The following VEGFC variants were observed in gnomAD, a reference collection of about 807,000 sequenced individuals.
The protein encoded by VEGFC is FLT4 ligand DHM.
In VEGFC, 12 loss-of-function variants were observed where a neutral mutation model predicts 46.1. The ratio of observed to expected loss-of-function variants is 0.26; its 90% confidence interval spans 0.17 to 0.42. The LOEUF (loss-of-function observed/expected upper bound fraction) is 0.42, where lower values mean the gene tolerates loss of function less well. Among genes scored for constraint, VEGFC ranks in the 10% least tolerant of loss-of-function variants. VEGFC has a pLI of 1.00. For synonymous variants in VEGFC, 232 were observed against 195.5 expected, an observed-to-expected ratio of 1.19 and a Z score of -1.56; for missense variants, 488 against 529.4, an observed-to-expected ratio of 0.92 and a Z score of 0.77.
intron 3 of VEGFC, among the ~76,000 whole-genome samples, chr4:176,716,214 C>T (rs1734695514): frequency 1.3e-5 from 2 of 152,000 alleles, no homozygotes; most frequent in African/African-American, 4.8e-5. Context: ...CTACATGATA[C>T]CAAGCACCTT....
At chr4:176,740,360 T>C (rs1272602472) in intron 1 of VEGFC, among the ~76,000 whole-genome samples, 9 of 121,118 alleles carry the variant, frequency 7.4e-5, no homozygotes, top group South Asian at 2.3e-4. Context: ...TATATAGTTA[T>C]ATATATTCTA....
chr4:176,732,316 T>A (rs1340521361), intron 1 of VEGFC, among the ~76,000 whole-genome samples: 2 of 151,954 alleles, frequency 1.3e-5, no homozygotes, highest in Non-Finnish European at 2.9e-5. Context: ...TCAATCTATA[T>A]CTAAGAGACC....
At chr4:176,721,052 A>C (rs751485009) in intron 3 of VEGFC, among the ~76,000 whole-genome samples, 1 of 152,064 alleles carries the variant, frequency 6.6e-6, no homozygotes, top group Non-Finnish European at 1.5e-5. Context: ...GAGATGTTTC[A>C]AACACAGAGT....
chr4:176,689,101 T>A lies in VEGFC; in HGVS notation c.705-1174A>T, dbSNP rs193259605. Among the ~76,000 whole-genome samples the A allele has an allele frequency of 1.4e-4, 22 of 152,350 alleles. No individual in the cohort carries two copies. In the East Asian group the frequency reaches 3.1e-3, roughly 21 times the overall value. ...CACTACCTCATTTTTTCATCTAATG[T>A]TGGTGTAGACATCAAATAGAAGTAT... On this transcript the variant is annotated intron_variant, in intron 4 of 6. Coordinates refer to ENST00000618562, the MANE Select transcript of VEGFC (RefSeq NM_005429.5).
chr4:176,706,865 A>G lies in VEGFC; in HGVS notation c.704+4634T>C, dbSNP rs141098649. ...TAAAGAATGTTTCTAACACCTCACAATGTCTCTCTTGCCCATTGTCAGTCA... is the reference window on the plus strand; with the variant it reads ...TAAAGAATGTTTCTAACACCTCACAGTGTCTCTCTTGCCCATTGTCAGTCA... On this transcript the variant is annotated intron_variant, in intron 4 of 6. Transcript: ENST00000618562. Among the ~76,000 whole-genome samples, 202 of 152,248 alleles carry G rather than the reference A, an allele frequency of 1.3e-3. 2 individuals are homozygous for G. The East Asian group carries it at 0.039, about 29-fold the overall frequency.
At chr4:176,713,472 T>A (rs1208076294) in intron 3 of VEGFC, among the ~76,000 whole-genome samples, 2 of 152,086 alleles carry the variant, frequency 1.3e-5, no homozygotes, top group African/African-American at 4.8e-5. Context: ...TTTAATAAAT[T>A]TATAAAATTA....
rs1256504645 is a variant in VEGFC, at chr4:176,792,810, G to T, written c.-499C>A. The T allele has an allele frequency of 1.4e-5, 2 of 146,684 alleles. No homozygotes were observed. The highest frequency in any genetic ancestry group is 4.9e-5 in the African/African-American group (2 of 40,668). 9.1% of individuals were successfully genotyped at this position (146,684 alleles called of 1,614,324 possible). A position where few individuals can be genotyped will look rare whatever the true frequency, so the allele number is the denominator to read the frequency against. On this transcript the variant is annotated 5_prime_UTR_variant, in exon 1 of 7. Coordinates refer to ENST00000618562, the MANE Select transcript of VEGFC (RefSeq NM_005429.5). The surrounding 1 kb of genome is among the most constrained non-coding windows in gnomAD (Gnocchi z 6.3). ...GCGGCGGTGCCGGGGGCGGGAGGAG[G>T]GCGGCGGGGCGGCTGGCGGCGGCGG...
intron 4 of VEGFC, among the ~76,000 whole-genome samples, chr4:176,696,390 T>G (rs1231519223): frequency 6.7e-6 from 1 of 148,368 alleles, no homozygotes; most frequent in Non-Finnish European, 1.5e-5. Context: ...CACAATTGCT[T>G]CAAAGAGAAT....
At chr4:176,719,410 AAATTG>A (rs1477997710) in intron 3 of VEGFC, among the ~76,000 whole-genome samples, 1 of 152,208 alleles carries the variant, frequency 6.6e-6, no homozygotes, top group Non-Finnish European at 1.5e-5. Context: ...ATAATGCAAT[AAATTG>A]AATAAACTCA....
In VEGFC at chr4:176,742,038, G is replaced by A. The variant is rs28437769; in HGVS notation, c.148-12292C>T. ...ACATGTGCAGGTGGGTTACAAAGGT[G>A]TATTGTTTCAGGCTTCAATTTGGCT... On this transcript the variant is annotated intron_variant, in intron 1 of 6. Coordinates refer to ENST00000618562, the MANE Select transcript of VEGFC (RefSeq NM_005429.5). 4.2e-3 allele frequency among the ~76,000 whole-genome samples: 642 copies of A among 151,952 alleles called. 6 individuals are homozygous for A. Among genetic ancestry groups the A allele is most frequent in the African/African-American group, 0.014 (561 of 41,518 alleles).
chr4:176,723,554 GTTTT>G (rs778725413), intron 3 of VEGFC, among the ~76,000 whole-genome samples: 1 of 146,412 alleles, frequency 6.8e-6, no homozygotes, highest in African/African-American at 2.6e-5. Flanking sequence ...TAAGTTTGGG[GTTTT>G]ATTTTAGGTT....
chr4:176,752,551 G>T (rs976619518), intron 1 of VEGFC, among the ~76,000 whole-genome samples: 8 of 152,048 alleles, frequency 5.3e-5, no homozygotes, highest in Non-Finnish European at 1.0e-4. Flanking sequence ...CTATTAAAAC[G>T]GAAATGTCTT....
At chr4:176,785,794 C>A (rs1296826437) in intron 1 of VEGFC, among the ~76,000 whole-genome samples, 2 of 152,212 alleles carry the variant, frequency 1.3e-5, no homozygotes, top group East Asian at 1.9e-4. Context: ...ACTTGGCAGT[C>A]TGAAGAACTA....
At chr4:176,741,402 G>A (rs912860803) in intron 1 of VEGFC, among the ~76,000 whole-genome samples, 4 of 151,862 alleles carry the variant, frequency 2.6e-5, no homozygotes, top group Non-Finnish European at 5.9e-5. Flanking sequence ...ATTAAAACCC[G>A]AACATTTCAG....
At chr4:176,728,232 C>T (rs867162727) in intron 2 of VEGFC, among the ~76,000 whole-genome samples, 1 of 152,078 alleles carries the variant, frequency 6.6e-6, no homozygotes, top group East Asian at 1.9e-4. Context: ...TAAAAGTACA[C>T]CAATATCCCA....
intron 2 of VEGFC, among the ~76,000 whole-genome samples, chr4:176,729,218 T>C (rs1356315118): frequency 6.6e-6 from 1 of 152,228 alleles, no homozygotes; most frequent in Non-Finnish European, 1.5e-5. Flanking sequence ...AGATAAAGAA[T>C]GTTTAAGTTA....
chr4:176,692,309 G>A (rs1485589879), intron 4 of VEGFC, among the ~76,000 whole-genome samples: 1 of 134,490 alleles, frequency 7.4e-6, no homozygotes. Context: ...CAGGAGAATG[G>A]CGTGAACCCG....
chr4:176,694,613 T>G (rs947466218), intron 4 of VEGFC, among the ~76,000 whole-genome samples: 6 of 151,920 alleles, frequency 3.9e-5, no homozygotes, highest in African/African-American at 1.2e-4. Context: ...TGAACTCAGT[T>G]CTGCACCAAG....
At chr4:176,684,863 T>C (rs1035679694) in intron 6 of VEGFC, among the ~76,000 whole-genome samples, 3 of 152,176 alleles carry the variant, frequency 2.0e-5, no homozygotes, top group Admixed American at 2.0e-4. Context: ...GTAGCTGGGA[T>C]TACAGGTATG....
Sources: allele counts gnomAD v4.1 joint callset (sites outside exome capture counted in the v4.1 genomes callset), GRCh38; gene constraint gnomAD v4.1.1; non-coding constraint Gnocchi (gnomAD v3.1); transcripts MANE v1.5; gene names NCBI Gene and HGNC (gene_info 2026-07-23, HGNC 2026-07-21).